OR9Q1: variants seen among roughly 807,000 people sequenced by gnomAD.
OR9Q1 encodes olfactory receptor family 9 subfamily Q member 1, also known as olfactory receptor 9Q1.
For synonymous variants in OR9Q1, 153 were observed against 148.6 expected (o/e 1.03, Z -0.22); for missense variants, 374 against 378.8 (o/e 0.99, Z 0.11).
At chr11:58,046,535 C>T (rs906526466) in intron 1 of OR9Q1, among the ~76,000 whole-genome samples, 1 of 152,130 alleles carries the variant, frequency 6.6e-6, no homozygotes, top group African/African-American at 2.4e-5. Flanking sequence ...CTGCAGGAGG[C>T]ATGATGATAG....
At chr11:58,101,246 TTTCA>T (rs1481262254) in intron 2 of OR9Q1, among the ~76,000 whole-genome samples, 1 of 152,152 alleles carries the variant, frequency 6.6e-6, no homozygotes, top group African/African-American at 2.4e-5. Flanking sequence ...TAATTTACAT[TTTCA>T]CCAGCAGTGT....
chr11:58,055,066 A>G (rs1038975872), intron 1 of OR9Q1, among the ~76,000 whole-genome samples: 1 of 152,212 alleles, frequency 6.6e-6, no homozygotes, highest in African/African-American at 2.4e-5. Flanking sequence ...CTGGTTCTAG[A>G]GTCCTGAGCC....
chr11:58,050,343 G>A (rs1334874975), intron 1 of OR9Q1, among the ~76,000 whole-genome samples: 9 of 144,490 alleles, frequency 6.2e-5, no homozygotes, highest in African/African-American at 1.8e-4. Flanking sequence ...AACAAGCAAT[G>A]GGGAAAGGAT....
At chr11:58,082,932 C>T (rs2120046332) in intron 2 of OR9Q1, among the ~76,000 whole-genome samples, 1 of 150,588 alleles carries the variant, frequency 6.6e-6, no homozygotes, top group South Asian at 2.1e-4. Flanking sequence ...TCTCCTAAAG[C>T]TATCCCTCCC....
intron 2 of OR9Q1, among the ~76,000 whole-genome samples, chr11:58,165,344 G>T (rs1221981660): frequency 6.6e-6 from 1 of 152,132 alleles, no homozygotes; most frequent in East Asian, 1.9e-4. Context: ...AACTGTCCCT[G>T]ATCATTTAAT....
chr11:58,029,231 G>A (rs1002871400), intron 1 of OR9Q1, among the ~76,000 whole-genome samples: 7 of 152,300 alleles, frequency 4.6e-5, no homozygotes, highest in East Asian at 3.9e-4. Flanking sequence ...TTATTCATCC[G>A]GCTGGTACGC....
Position 58,091,587 on chromosome 11 carries a change from G to T in OR9Q1, c.-15+35640G>T, listed in dbSNP as rs7943927. The stretch of plus-strand genomic sequence containing the variant: ...AATTATGTGGTCAATTTTTGAATAT[G>T]TGCAATGTGATGCTGAGAAGAATGT... On this transcript the variant is annotated intron_variant, in intron 2 of 2. Transcript: ENST00000335397. 4.1e-3 allele frequency among the ~76,000 whole-genome samples: 618 copies of T among 152,274 alleles called. 4 individuals carry two copies. Among genetic ancestry groups the T allele is most frequent in the African/African-American group, 0.013 (556 of 41,558 alleles).
chr11:58,151,493 G>T (rs896302111), intron 2 of OR9Q1, among the ~76,000 whole-genome samples: 6 of 152,200 alleles, frequency 3.9e-5, no homozygotes, highest in Non-Finnish European at 7.3e-5. Context: ...ATCTGCAGAA[G>T]ACGGAATGAC....
At chr11:58,133,974 G>A (rs1190737923) in intron 2 of OR9Q1, among the ~76,000 whole-genome samples, 2 of 152,184 alleles carry the variant, frequency 1.3e-5, no homozygotes, top group African/African-American at 4.8e-5. Context: ...TGCTCTGGGT[G>A]GCAGTGAAGC....
intron 2 of OR9Q1, among the ~76,000 whole-genome samples, chr11:58,150,527 G>A (rs772932000): frequency 4.6e-5 from 7 of 152,150 alleles, no homozygotes; most frequent in African/African-American, 7.2e-5. Context: ...TTCAATCAAC[G>A]ATGGATCACA....
At chr11:58,083,139 G>A (rs915163031) in intron 2 of OR9Q1, among the ~76,000 whole-genome samples, 7 of 151,962 alleles carry the variant, frequency 4.6e-5, no homozygotes, top group Non-Finnish European at 8.8e-5. Context: ...GAGTTTTTAC[G>A]GAGTTAAGTC....
chr11:58,024,553 C>A (rs1852952326), intron 1 of OR9Q1, among the ~76,000 whole-genome samples: 1 of 152,184 alleles, frequency 6.6e-6, no homozygotes, highest in Admixed American at 6.5e-5. Context: ...GGGCCTCAAA[C>A]TGTTTTTCCA....
At chr11:58,060,193 A>G (rs1189861275) in intron 2 of OR9Q1, 1 of 152,180 alleles carries the variant, frequency 6.6e-6, no homozygotes, top group Non-Finnish European at 1.5e-5. Flanking sequence ...GTGTTTCACC[A>G]TTATCCCTTC....
At chr11:58,118,719 G>A (rs767501762) in intron 2 of OR9Q1, 60 of 1,613,972 alleles carry the variant, frequency 3.7e-5, no homozygotes, top group Non-Finnish European at 5.1e-5. Flanking sequence ...TGATGTGAGA[G>A]GCACATGTGG....
chr11:58,167,088 T>C (rs947706100), intron 2 of OR9Q1, among the ~76,000 whole-genome samples: 7 of 152,206 alleles, frequency 4.6e-5, no homozygotes, highest in Non-Finnish European at 7.3e-5. Flanking sequence ...GGCTTCCTTA[T>C]TACCTTCCAC....
chr11:58,066,707 C>T (rs930257962), intron 2 of OR9Q1, among the ~76,000 whole-genome samples: 1 of 152,168 alleles, frequency 6.6e-6, no homozygotes. Context: ...ATGCCCTTCC[C>T]ATCCACACCT....
chr11:58,126,485 G>A (rs145760059), intron 2 of OR9Q1, among the ~76,000 whole-genome samples: 19 of 152,208 alleles, frequency 1.2e-4, no homozygotes, highest in Non-Finnish European at 2.1e-4. Context: ...TAACATGGCT[G>A]GGATAAAAAA....
chr11:58,030,817 A>G, intron 1 of OR9Q1: 2 of 655,322 alleles, frequency 3.1e-6, no homozygotes, highest in Non-Finnish European at 5.5e-6. Context: ...CTTTGAGGGT[A>G]AGAACAGTGT....
At chr11:58,111,606 C>A (rs185587406) in intron 2 of OR9Q1, among the ~76,000 whole-genome samples, 4 of 152,024 alleles carry the variant, frequency 2.6e-5, no homozygotes, top group African/African-American at 9.7e-5. Flanking sequence ...TAAATTAGAA[C>A]GTTGAAGGTA....
Sources: gnomAD v4.1 joint callset for allele counts (sites outside exome capture counted in the v4.1 genomes callset) on GRCh38, gnomAD v4.1.1 for gene constraint, MANE v1.5 for transcripts, NCBI Gene and HGNC (gene_info 2026-07-23, HGNC 2026-07-21) for gene names.